Variants in ERGIC1 observed in about 807,000 individuals in gnomAD.
ERGIC1 encodes the protein endoplasmic reticulum-golgi intermediate compartment 1.
Under a neutral mutation model 38.3 loss-of-function variants are expected in ERGIC1, and 19 were observed. The ratio of observed to expected loss-of-function variants is 0.50; its 90% CI spans 0.35 to 0.73. The LOEUF is 0.73. ERGIC1 is among the 30% of genes least tolerant of loss of function. ERGIC1 has a pLI of 0.01. For missense variants in ERGIC1, 294 were observed against 389.2 expected, an observed-to-expected ratio of 0.76 and a Z score of 2.06; for synonymous variants, 124 against 157.6, an observed-to-expected ratio of 0.79 and a Z score of 1.60.
chr5:172,938,169 T>G (rs1239308257), intron 9 of ERGIC1, among the ~76,000 whole-genome samples: 1 of 152,088 alleles, frequency 6.6e-6, no homozygotes, highest in Non-Finnish European at 1.5e-5. Context: ...AGCAAATGAT[T>G]TAACCCAAGA....
chr5:172,883,260 T>A (rs74954830), intron 1 of ERGIC1, among the ~76,000 whole-genome samples: 1,811 of 152,272 alleles, frequency 0.012, 37 homozygotes, highest in African/African-American at 0.042. Flanking sequence ...TCTTACATAA[T>A]CACAATACCA....
In ERGIC1 at chr5:172,888,864, G is replaced by A. The variant is rs181356909; in HGVS notation, c.82+104G>A. The A allele has an allele frequency of 6.9e-4, 768 of 1,111,454 alleles. 2 individuals are homozygous for A. The highest frequency in any genetic ancestry group is 2.2e-3 in the Admixed American group (127 of 57,472). The allele number at this position is 1,111,454 out of a possible 1,614,324, so 68.8% of individuals were successfully genotyped here. A position where few individuals can be genotyped will look rare whatever the true frequency, so the allele number is the denominator to read the frequency against. On this transcript the variant is annotated intron_variant, in intron 2 of 9. Transcript: ENST00000393784. Reference sequence around the variant, plus strand: ...GCCAGGGAGGAAAGAAGGAAAGACAGGAGGGAGGAAAGAAATGCTGAGCAT... The same window carrying A: ...GCCAGGGAGGAAAGAAGGAAAGACAAGAGGGAGGAAAGAAATGCTGAGCAT...
At chr5:172,935,416 A>G in intron 9 of ERGIC1, 106 bp downstream of exon 9, 1 of 1,503,762 alleles carries the variant, frequency 6.6e-7, no homozygotes, top group Non-Finnish European at 9.1e-7. Context: ...AACAGGAGGC[A>G]GCCTGCAGGG....
chr5:172,919,022 G>A (rs373697705), intron 5 of ERGIC1, among the ~76,000 whole-genome samples: 1 of 152,052 alleles, frequency 6.6e-6, no homozygotes, highest in Non-Finnish European at 1.5e-5. Flanking sequence ...TCAGGCTTTC[G>A]TGCTATTGAG....
At chr5:172,863,521 C>A (rs1019977135) in intron 1 of ERGIC1, among the ~76,000 whole-genome samples, 12 of 152,212 alleles carry the variant, frequency 7.9e-5, no homozygotes, top group African/African-American at 2.9e-4. Context: ...GCCGCACCTT[C>A]AGGCTGAGTG....
intron 1 of ERGIC1, among the ~76,000 whole-genome samples, chr5:172,859,435 C>T (rs1761641375): frequency 6.6e-6 from 1 of 151,988 alleles, no homozygotes; most frequent in Non-Finnish European, 1.5e-5. Flanking sequence ...AGGCCATATT[C>T]CATCCTGGAA....
intron 2 of ERGIC1, among the ~76,000 whole-genome samples, chr5:172,893,905 A>ATATATATGTGTGTG (rs1173039695): frequency 1.1e-3 from 17 of 15,538 alleles, no homozygotes; most frequent in East Asian, 4.6e-3. Flanking sequence ...ATATATATAT[A>ATATATATGTGTGTG]TGTGTGTGTG....
At chr5:172,839,494 G>A (rs1043621512) in intron 1 of ERGIC1, among the ~76,000 whole-genome samples, 1 of 152,004 alleles carries the variant, frequency 6.6e-6, no homozygotes, top group African/African-American at 2.4e-5. Flanking sequence ...AGCCCAGGAG[G>A]TGGAGGCTTC....
rs140197602 is a variant in ERGIC1, at chr5:172,874,270, G to A, written c.21-14429G>A. On this transcript the variant is annotated intron_variant, in intron 1 of 9. Transcript: ENST00000393784. ...CTTTTTTTGTATTTTTAGTAGAGAC[G>A]GGGTTTTACCGTGTTGGCCAGGCTG... is the stretch of plus-strand genomic sequence containing the variant. Among the ~76,000 whole-genome samples the A allele has an allele frequency of 6.4e-3, 979 of 151,950 alleles. 7 individuals carry two copies. Among genetic ancestry groups the A allele is most frequent in the African/African-American group, 0.022 (930 of 41,410 alleles).
chr5:172,880,079 G>C lies in ERGIC1; in HGVS notation c.21-8620G>C, dbSNP rs1458400991. Among the ~76,000 whole-genome samples, 5 of 152,106 alleles carry C rather than the reference G, an allele frequency of 3.3e-5. No homozygotes were observed. In the South Asian group the frequency reaches 1.0e-3, roughly 32 times the overall value. The stretch of plus-strand genomic sequence containing the variant: ...GGCAAAGTCTTGCTCTATCTCCCAG[G>C]CTGGAGTACTGCAGAGCCGTGATCT... On this transcript the variant is annotated intron_variant, in intron 1 of 9. Coordinates refer to ENST00000393784, the MANE Select transcript of ERGIC1 (RefSeq NM_001031711.3).
chr5:172,947,908 GT>G (rs1437480997), intron 9 of ERGIC1, among the ~76,000 whole-genome samples: 2 of 151,768 alleles, frequency 1.3e-5, no homozygotes, highest in East Asian at 1.9e-4. Context: ...GTGTGTGTGT[GT>G]GTGGTTATTT....
chr5:172,946,154 C>A lies in ERGIC1; in HGVS notation c.766-4555C>A, dbSNP rs543567338. On this transcript the variant is annotated intron_variant, in intron 9 of 9. Transcript: ENST00000393784. ...TCACCTCATGCCACCCTCACCATGTCCAGCAGGGAGGTGCACACCTCCCAG... is the reference window on the plus strand; with the variant it reads ...TCACCTCATGCCACCCTCACCATGTACAGCAGGGAGGTGCACACCTCCCAG... Among the ~76,000 whole-genome samples the A allele has an allele frequency of 1.8e-3, 281 of 152,290 alleles. 3 individuals are homozygous for A. The highest frequency in any genetic ancestry group is 6.2e-3 in the African/African-American group (258 of 41,554).
chr5:172,920,785 G>A (rs751141874), intron 5 of ERGIC1, among the ~76,000 whole-genome samples: 73 of 152,370 alleles, frequency 4.8e-4, no homozygotes, highest in Non-Finnish European at 9.0e-4. Context: ...GCCATGGCCC[G>A]ATCTGCGGAA....
chr5:172,941,691 G>A (rs990519188), intron 9 of ERGIC1, among the ~76,000 whole-genome samples: 1 of 152,208 alleles, frequency 6.6e-6, no homozygotes, highest in Admixed American at 6.5e-5. Flanking sequence ...AGAACTATTA[G>A]AGCAGGAAAC....
At chr5:172,880,076 C>T (rs532913311) in intron 1 of ERGIC1, among the ~76,000 whole-genome samples, 1 of 152,242 alleles carries the variant, frequency 6.6e-6, no homozygotes, top group Non-Finnish European at 1.5e-5. Flanking sequence ...CTCTATCTCC[C>T]AGGCTGGAGT....
rs1760982510 is a variant in ERGIC1 at position 172,834,556 on chromosome 5, C to T, written c.20+123C>T. 1 of 1,005,634 alleles carries T rather than the reference C, an allele frequency of 9.9e-7. No homozygotes were observed. The highest frequency in any genetic ancestry group is 1.3e-6 in the Non-Finnish European group (1 of 791,234). The allele number at this position is 1,005,634 out of a possible 1,614,324, so 62.3% of individuals were successfully genotyped here. ...GCTCCCCGCCCTGTGCATGCCTCCG[C>T]AGGCCCCTAGGGACCCCAGGCGAGC... On this transcript the variant is annotated intron_variant, in intron 1 of 9. Transcript: ENST00000393784. The surrounding 1 kb of genome is among the most constrained non-coding windows in gnomAD (Gnocchi z 4.1).
chr5:172,923,937 G>C (rs1763591927), intron 5 of ERGIC1, 68 bp from the exon 6 acceptor site: 2 of 1,387,380 alleles, frequency 1.4e-6, no homozygotes, highest in Non-Finnish European at 2.0e-6. Flanking sequence ...ATCACACAGG[G>C]TGAGGCCCCA....
chr5:172,858,767 C>T (rs1379801466), intron 1 of ERGIC1, among the ~76,000 whole-genome samples: 1 of 152,188 alleles, frequency 6.6e-6, no homozygotes, highest in Non-Finnish European at 1.5e-5. Context: ...CGCTGTTGTC[C>T]ACAGAAAGAA....
intron 1 of ERGIC1, among the ~76,000 whole-genome samples, chr5:172,877,457 TA>T (rs1311461180): frequency 0.078 from 7,162 of 92,226 alleles, 358 homozygotes; most frequent in Non-Finnish European, 0.12. Flanking sequence ...TATATATATA[TA>T]TTTTTTTTTT....
Sources: allele counts gnomAD v4.1 joint callset (sites outside exome capture counted in the v4.1 genomes callset), GRCh38; gene constraint gnomAD v4.1.1; non-coding constraint Gnocchi (gnomAD v3.1); transcripts MANE v1.5; gene names NCBI Gene and HGNC (gene_info 2026-07-23, HGNC 2026-07-21).